The following JMJD1C variants were observed in gnomAD, a reference collection of about 807,000 sequenced individuals.
The protein encoded by JMJD1C is jumonji domain containing 1C, also known as jumonji domain-containing protein 1C.
In JMJD1C, 31 loss-of-function variants were observed where a neutral mutation model predicts 245.3. The observed-to-expected ratio is 0.13, with a 90% CI of 0.09 to 0.17. JMJD1C has a LOEUF of 0.17. Among genes scored for constraint, JMJD1C ranks in the 10% least tolerant of loss-of-function variants. The probability of loss-of-function intolerance (pLI) is 1.00; values close to 1 mark genes in which losing one functional copy is unlikely to be tolerated. For missense variants in JMJD1C, 2,691 were observed against 3,000.2 expected, an observed-to-expected ratio of 0.90 and a Z score of 2.41; for synonymous variants, 1,057 against 1,017.4, an observed-to-expected ratio of 1.04 and a Z score of -0.74.
intron 2 of JMJD1C, among the ~76,000 whole-genome samples, chr10:63,369,302 T>C (rs771073328): frequency 2.6e-5 from 4 of 151,864 alleles, no homozygotes; most frequent in Non-Finnish European, 4.4e-5. Flanking sequence ...CCACCACACC[T>C]GGCTAATTTT....
chr10:63,185,942 G>C (rs964410928), intron 19 of JMJD1C, among the ~76,000 whole-genome samples: 1 of 152,146 alleles, frequency 6.6e-6, no homozygotes, highest in African/African-American at 2.4e-5. Flanking sequence ...TTTTCAAAGA[G>C]TTTTACATAA....
chr10:63,282,035 T>A (rs952616951), intron 2 of JMJD1C, among the ~76,000 whole-genome samples: 1 of 152,340 alleles, frequency 6.6e-6, no homozygotes, highest in South Asian at 2.1e-4. Flanking sequence ...GTAATATGCC[T>A]CTTCCAGTTT....
At chr10:63,404,737 C>CA (rs1445888126) in intron 1 of JMJD1C, among the ~76,000 whole-genome samples, 1 of 152,006 alleles carries the variant, frequency 6.6e-6, no homozygotes, top group Non-Finnish European at 1.5e-5. Flanking sequence ...TCCATAAAGC[C>CA]AAGGGTGACA....
At chr10:63,337,940 T>C (rs1226865728) in intron 2 of JMJD1C, among the ~76,000 whole-genome samples, 2 of 152,194 alleles carry the variant, frequency 1.3e-5, no homozygotes, top group Admixed American at 6.5e-5. Context: ...AATCTCAAGA[T>C]GAAGATGTGG....
chr10:63,307,536 A>G (rs1441652059), intron 2 of JMJD1C, among the ~76,000 whole-genome samples: 2 of 152,208 alleles, frequency 1.3e-5, no homozygotes, highest in Non-Finnish European at 2.9e-5. Context: ...GCAATTTGAT[A>G]GAAACCTGAA....
chr10:63,252,748 A>G lies in JMJD1C; in HGVS notation c.447+11903T>C, dbSNP rs951906708. 3.3e-5 allele frequency among the ~76,000 whole-genome samples: 5 copies of G among 152,336 alleles called. No individual in the cohort carries two copies. The South Asian group carries it at 6.2e-4, about 19-fold the overall frequency. ...AGTAAAGAAAAAGAAACAGGCAACC[A>G]TAAGATATTCCCCCATCAGCTGATT... On this transcript the variant is annotated intron_variant, in intron 3 of 25. Transcript: ENST00000399262.
intron 2 of JMJD1C, among the ~76,000 whole-genome samples, chr10:63,323,446 G>C (rs976688230): frequency 1.3e-5 from 2 of 152,162 alleles, no homozygotes; most frequent in African/African-American, 2.4e-5. Flanking sequence ...CTTGAACCCA[G>C]GAGGCTGAGG....
chr10:63,385,238 C>A (rs1287460401), intron 1 of JMJD1C, among the ~76,000 whole-genome samples: 1 of 151,810 alleles, frequency 6.6e-6, no homozygotes, highest in Non-Finnish European at 1.5e-5. Flanking sequence ...TCAAAGATCA[C>A]TGATGACACA....
chr10:63,422,940 C>T (rs571139455), intron 1 of JMJD1C, among the ~76,000 whole-genome samples: 23 of 151,250 alleles, frequency 1.5e-4, no homozygotes, highest in South Asian at 6.3e-4. Context: ...ATGCAACTGT[C>T]GCCACTGTTA....
At chr10:63,231,386 T>G (rs187225240) in intron 3 of JMJD1C, among the ~76,000 whole-genome samples, 1 of 152,284 alleles carries the variant, frequency 6.6e-6, no homozygotes, top group East Asian at 1.9e-4. Flanking sequence ...CCTTAAGAAT[T>G]TCCTGCCAAA....
At chr10:63,381,589 C>G in intron 1 of JMJD1C, among the ~76,000 whole-genome samples, 1 of 152,062 alleles carries the variant, frequency 6.6e-6, no homozygotes, top group Admixed American at 6.5e-5. Context: ...TGATGGTTAT[C>G]AGAGACTAGG....
chr10:63,443,621 G>A (rs1234840906), intron 1 of JMJD1C, among the ~76,000 whole-genome samples: 1 of 152,172 alleles, frequency 6.6e-6, no homozygotes, highest in African/African-American at 2.4e-5. Context: ...CTTTTGACAG[G>A]TTTTTATAGA....
intron 8 of JMJD1C, among the ~76,000 whole-genome samples, chr10:63,209,787 T>C (rs1847105823): frequency 6.6e-6 from 1 of 152,210 alleles, no homozygotes. Context: ...CCATTAAGCT[T>C]GGAGGTGTAG....
chr10:63,321,187 A>G (rs575174284), intron 2 of JMJD1C, among the ~76,000 whole-genome samples: 1 of 152,344 alleles, frequency 6.6e-6, no homozygotes, highest in South Asian at 2.1e-4. Flanking sequence ...CTGGCTATTC[A>G]TTTGTATCCT....
In JMJD1C at chr10:63,208,598, C is replaced by A; in HGVS notation, c.3071G>T (p.Arg1024Leu). 2 of 1,613,908 alleles carry A rather than the reference C, an allele frequency of 1.2e-6. No individual in the cohort carries two copies. Among genetic ancestry groups the A allele is most frequent in the Non-Finnish European group, 1.7e-6 (2 of 1,179,876 alleles). The change falls in exon 10 of 26, where the codon CGA (arginine) becomes CTA (leucine). Residue 1024 changes from arginine (R) to leucine (L), a missense_variant. Coordinates refer to ENST00000399262, the MANE Select transcript of JMJD1C (RefSeq NM_032776.3). ...AACATCAATACTTTCTTGAAGAATTCGACGGTGTTCCTCTTTGTATTTGTT... is the reference window on the plus strand; with the variant it reads ...AACATCAATACTTTCTTGAAGAATTAGACGGTGTTCCTCTTTGTATTTGTT... ...RLNKYKEEHR[R>L]ILQESIDVAP...
At chr10:63,399,726 T>C (rs1041341177) in intron 1 of JMJD1C, among the ~76,000 whole-genome samples, 2 of 152,040 alleles carry the variant, frequency 1.3e-5, no homozygotes, top group Admixed American at 6.6e-5. Flanking sequence ...TTTCTTCCTA[T>C]GGTTATGCCA....
chr10:63,509,678 T>C (rs1479057230), intron 1 of JMJD1C, among the ~76,000 whole-genome samples: 1 of 152,238 alleles, frequency 6.6e-6, no homozygotes. Context: ...ATCTAGGTTA[T>C]GAAATTCATA....
At chr10:63,184,778 T>TA (rs770101212) in intron 20 of JMJD1C, 40 bp from the exon 21 acceptor site, 208 of 1,561,222 alleles carry the variant, frequency 1.3e-4, no homozygotes, top group Non-Finnish European at 1.7e-4. Flanking sequence ...AATAAAGATT[T>TA]GCATTGCTAA....
rs546495233 is a variant in JMJD1C at position 63,310,868 on chromosome 10, T to C, written c.334-46104A>G. ...ATGTAAAAAAAGATGTTTAACTTTA[T>C]TGGTCATCAAAGAAGGACAAATAAA... On this transcript the variant is annotated intron_variant, in intron 2 of 25. Coordinates refer to ENST00000399262, the MANE Select transcript of JMJD1C (RefSeq NM_032776.3). Among the ~76,000 whole-genome samples the C allele has an allele frequency of 3.3e-5, 5 of 152,288 alleles. No individual in the cohort carries two copies. In the East Asian group the frequency reaches 5.8e-4, roughly 18 times the overall value.
Sources: allele counts gnomAD v4.1 joint callset (sites outside exome capture counted in the v4.1 genomes callset), GRCh38; gene constraint gnomAD v4.1.1; transcripts MANE v1.5; gene names NCBI Gene and HGNC (gene_info 2026-07-23, HGNC 2026-07-21).